Variants in IL1RAPL1 observed in about 807,000 individuals in gnomAD.
The protein encoded by IL1RAPL1 is interleukin-1 receptor accessory protein-like 1.
In IL1RAPL1, 3 loss-of-function variants were observed where a neutral mutation model predicts 48.4. The ratio of observed to expected loss-of-function variants is 0.06; its 90% CI spans 0.03 to 0.16. The LOEUF (loss-of-function observed/expected upper bound fraction) is 0.16. IL1RAPL1 is among the 10% of genes least tolerant of loss of function. IL1RAPL1 has a pLI of 1.00. For missense variants in IL1RAPL1, 349 were observed against 530.6 expected, an observed-to-expected ratio of 0.66 and a Z score of 3.36; for synonymous variants, 185 against 187.7, an observed-to-expected ratio of 0.99 and a Z score of 0.12.
At chrX:29,085,103 A>T (rs1041881294) in intron 2 of IL1RAPL1, among the ~76,000 whole-genome samples, 1 of 112,316 alleles carries the variant, frequency 8.9e-6, no homozygotes, top group Non-Finnish European at 1.9e-5. Context: ...GATCCAATAG[A>T]ATTCTATTAG....
intron 5 of IL1RAPL1, among the ~76,000 whole-genome samples, chrX:29,546,208 A>T (rs1921622534): frequency 8.9e-6 from 1 of 111,976 alleles, no homozygotes; most frequent in African/African-American, 3.2e-5. Flanking sequence ...TTTACTGAGT[A>T]GGTATTCATT....
chrX:29,822,037 C>T (rs747940112), intron 6 of IL1RAPL1, among the ~76,000 whole-genome samples: 20 of 111,917 alleles, frequency 1.8e-4, no homozygotes, highest in African/African-American at 6.5e-4. Flanking sequence ...GCTTATAAAC[C>T]ATTCATATGG....
At chrX:29,782,888 ATTTTTTTTTTTTTTTTTT>A (rs780831874) in intron 6 of IL1RAPL1, among the ~76,000 whole-genome samples, 3 of 31,073 alleles carry the variant, frequency 9.7e-5, no homozygotes, top group African/African-American at 2.5e-4. Context: ...TGATCGTGAC[ATTTTTTTTTTTTTTTTTT>A]TTTTTTTTTT....
chrX:29,686,534 G>GATTTATTT (rs71956626), intron 6 of IL1RAPL1, among the ~76,000 whole-genome samples: 1,192 of 83,305 alleles, frequency 0.014, 19 homozygotes, highest in South Asian at 0.029. Context: ...CCCCCCTAAA[G>GATTTATTT]ATTTATTTAT....
chrX:29,825,203 T>TACTCATTCCTCACTTCATAGTGTGGC (rs1247926608), intron 6 of IL1RAPL1, among the ~76,000 whole-genome samples: 2 of 110,827 alleles, frequency 1.8e-5, no homozygotes, highest in African/African-American at 6.6e-5. Flanking sequence ...TGAAGTGAGG[T>TACTCATTCCTCACTTCATAGTGTGGC]ACTCTTTCCT....
rs1480688752 is a variant in IL1RAPL1, at chrX:28,982,299, G to C, written c.82+192874G>C. Among the ~76,000 whole-genome samples, 5 of 112,137 alleles carry C rather than the reference G, an allele frequency of 4.5e-5. No individual in the cohort carries two copies. In the Admixed American group the frequency reaches 4.7e-4, roughly 11 times the overall value. On this transcript the variant is annotated intron_variant, in intron 2 of 10. Transcript: ENST00000378993. ...TCTGGGCAGCTTGCTGTAATCATCT[G>C]TGAGAAAGCTCCTCTGGAACCCACC... is the stretch of plus-strand genomic sequence containing the variant.
chrX:29,096,728 T>C (rs79515873), intron 2 of IL1RAPL1, among the ~76,000 whole-genome samples: 4,793 of 110,470 alleles, frequency 0.043, 97 homozygotes, highest in Middle Eastern at 0.079. Context: ...TTTTAATATA[T>C]GTATGAAGAA....
chrX:28,706,866 C>T (rs534057443), intron 1 of IL1RAPL1, among the ~76,000 whole-genome samples: 3 of 111,967 alleles, frequency 2.7e-5, no homozygotes, highest in Admixed American at 9.5e-5. Flanking sequence ...ATATGGTGTA[C>T]GTTTTTGGGG....
At chrX:28,768,755 C>CTCTCTCTCTCTATATATA (rs1364972830) in intron 1 of IL1RAPL1, among the ~76,000 whole-genome samples, 3 of 34,890 alleles carry the variant, frequency 8.6e-5, no homozygotes, top group Admixed American at 4.6e-4. Context: ...CTCTCTCTCT[C>CTCTCTCTCTCTATATATA]TATATATATA....
At chrX:28,615,819 G>T (rs934779267) in intron 1 of IL1RAPL1, among the ~76,000 whole-genome samples, 1 of 112,088 alleles carries the variant, frequency 8.9e-6, no homozygotes, top group African/African-American at 3.2e-5. Flanking sequence ...ATGAAAGGAA[G>T]AATGGAGAGT....
At chrX:29,005,361 G>A (rs1401117017) in intron 2 of IL1RAPL1, among the ~76,000 whole-genome samples, 2 of 111,938 alleles carry the variant, frequency 1.8e-5, no homozygotes, top group Non-Finnish European at 3.8e-5. Flanking sequence ...ACAGCATTCC[G>A]TTAAGTGAAG....
chrX:29,465,164 G>A (rs1419260182), intron 5 of IL1RAPL1, among the ~76,000 whole-genome samples: 7 of 111,645 alleles, frequency 6.3e-5, no homozygotes, highest in African/African-American at 2.3e-4. Context: ...CAGCACTTTG[G>A]GAGGTCAAGG....
intron 2 of IL1RAPL1, among the ~76,000 whole-genome samples, chrX:28,947,398 T>TGA (rs1298497119): frequency 9.0e-6 from 1 of 111,271 alleles, no homozygotes; most frequent in African/African-American, 3.3e-5. Context: ...GTAAGTGCCA[T>TGA]GAGAGGTACA....
intron 2 of IL1RAPL1, among the ~76,000 whole-genome samples, chrX:29,185,846 CA>C (rs35152820): frequency 0.35 from 34,911 of 100,350 alleles, 4,374 homozygotes; most frequent in East Asian, 0.58. Context: ...GTCACAGCAG[CA>C]AAAAAAAAAG....
chrX:28,612,396 G>A (rs1260563278), intron 1 of IL1RAPL1, among the ~76,000 whole-genome samples: 2 of 111,933 alleles, frequency 1.8e-5, no homozygotes, highest in African/African-American at 6.5e-5. Flanking sequence ...AGGGACCCCG[G>A]GCGGGGCGTT....
intron 3 of IL1RAPL1, among the ~76,000 whole-genome samples, chrX:29,322,453 T>G (rs1177818395): frequency 9.0e-6 from 1 of 110,793 alleles, no homozygotes; most frequent in East Asian, 2.8e-4. Context: ...TTAGTAGAGA[T>G]GAGGTTTCTC....
At chrX:29,176,521 T>C (rs1179781505) in intron 2 of IL1RAPL1, among the ~76,000 whole-genome samples, 1 of 110,972 alleles carries the variant, frequency 9.0e-6, no homozygotes, top group African/African-American at 3.3e-5. Context: ...AACTGTTTTA[T>C]AAATGCACTT....
chrX:29,343,956 C>G lies in IL1RAPL1; in HGVS notation c.363-52302C>G, dbSNP rs547920839. Among the ~76,000 whole-genome samples the G allele has an allele frequency of 4.5e-5, 5 of 111,608 alleles. 1 individual carries two copies. In the East Asian group the frequency reaches 8.4e-4, roughly 19 times the overall value. ...GGAGGAATTCCGCATTAGGACATAT[C>G]GAAAGTAGATTAATGCAAATGAACA... On this transcript the variant is annotated intron_variant, in intron 3 of 10. Coordinates refer to ENST00000378993, the MANE Select transcript of IL1RAPL1 (RefSeq NM_014271.4).
intron 9 of IL1RAPL1, 47 bp downstream of exon 9, chrX:29,941,841 TTTC>T (rs766127672): frequency 1.8e-4 from 208 of 1,150,033 alleles, no homozygotes; most frequent in Middle Eastern, 5.1e-4. Context: ...TTCTAATTTC[TTTC>T]TTGTCTTTGT....
Sources: gnomAD v4.1 joint callset for allele counts (sites outside exome capture counted in the v4.1 genomes callset) on GRCh38, gnomAD v4.1.1 for gene constraint, MANE v1.5 for transcripts, NCBI Gene and HGNC (gene_info 2026-07-23, HGNC 2026-07-21) for gene names.